The following MAPRE3 variants were observed in gnomAD, a reference collection of about 807,000 sequenced individuals.
MAPRE3 encodes microtubule associated protein RP/EB family member 3, also known as microtubule-associated protein RP/EB family member 3.
A neutral mutation model predicts 30.5 loss-of-function variants in MAPRE3; 2 were observed. That is an observed-to-expected ratio of 0.07 (90% CI 0.03 to 0.21). The LOEUF is 0.21. MAPRE3 is among the 10% of genes least tolerant of loss of function. MAPRE3 has a pLI of 1.00. For synonymous variants in MAPRE3, 110 were observed against 127.7 expected, an observed-to-expected ratio of 0.86 and a Z score of 0.93; for missense variants, 204 against 351.8, an observed-to-expected ratio of 0.58 and a Z score of 3.36.
intron 6 of MAPRE3, 35 bp downstream of exon 6, chr2:27,026,067 TCTGGCCTG>T: frequency 6.2e-7 from 1 of 1,612,940 alleles, no homozygotes; most frequent in Non-Finnish European, 8.5e-7. Context: ...CCCTCCCCAG[TCTGGCCTG>T]GCCCTAAGAC....
chr2:26,996,770 G>A (rs1439134749), intron 1 of MAPRE3: 1 of 152,126 alleles, frequency 6.6e-6, no homozygotes, highest in Admixed American at 6.6e-5. Context: ...TCACACCTCT[G>A]CATTCCAACC....
In MAPRE3 at chr2:27,004,580, G is replaced by A. The variant is rs570073813; in HGVS notation, c.-7-17632G>A. Reference sequence around the variant, plus strand: ...GCTGGAGTATGGCAACAGCACTCCTGAGTTACAGGCATGCGCCACCATGCC... The same window carrying A: ...GCTGGAGTATGGCAACAGCACTCCTAAGTTACAGGCATGCGCCACCATGCC... On this transcript the variant is annotated intron_variant, in intron 1 of 6. Coordinates refer to ENST00000233121, the MANE Select transcript of MAPRE3 (RefSeq NM_012326.4). Among the ~76,000 whole-genome samples the A allele has an allele frequency of 1.8e-3, 271 of 152,044 alleles. 1 individual carries two copies. The highest frequency in any genetic ancestry group is 3.0e-3 in the Non-Finnish European group (204 of 68,004).
rs945534105 is a variant in MAPRE3 at position 26,986,252 on chromosome 2, C to T, written c.-8+15450C>T. 2.6e-5 allele frequency among the ~76,000 whole-genome samples: 4 copies of T among 152,176 alleles called. No homozygotes were observed. The highest frequency in any genetic ancestry group is 5.9e-5 in the Non-Finnish European group (4 of 68,036). On this transcript the variant is annotated intron_variant, in intron 1 of 6. Transcript: ENST00000233121. This position sits in a 1 kb window ranked among gnomAD's most constrained non-coding sequence, Gnocchi z 4.2. Reference sequence around the variant, plus strand: ...CCTTATAAGGACCCTGGTGATTACACTGGGCCCACTCAGATAATCCAGGAT... The same window carrying T: ...CCTTATAAGGACCCTGGTGATTACATTGGGCCCACTCAGATAATCCAGGAT...
At chr2:27,005,990 T>G (rs183578781) in intron 1 of MAPRE3, among the ~76,000 whole-genome samples, 24 of 152,030 alleles carry the variant, frequency 1.6e-4, no homozygotes, top group African/African-American at 5.3e-4. Context: ...AGATCATCCT[T>G]GCTAACACGG....
chr2:26,993,644 A>G (rs1271007677), intron 1 of MAPRE3, among the ~76,000 whole-genome samples: 1 of 152,188 alleles, frequency 6.6e-6, no homozygotes, highest in Non-Finnish European at 1.5e-5. Flanking sequence ...TGATGTCCCT[A>G]ACACTTCAGG....
chr2:27,021,803 C>A (rs1667115135), intron 1 of MAPRE3, among the ~76,000 whole-genome samples: 1 of 152,196 alleles, frequency 6.6e-6, no homozygotes, highest in African/African-American at 2.4e-5. Flanking sequence ...CTTTTTATGT[C>A]TGGAAAATTC....
At chr2:27,005,768 G>A (rs1483227716) in intron 1 of MAPRE3, among the ~76,000 whole-genome samples, 1 of 152,170 alleles carries the variant, frequency 6.6e-6, no homozygotes, top group Non-Finnish European at 1.5e-5. Flanking sequence ...ATAGGTGAGG[G>A]AGAAAGTAAT....
intron 1 of MAPRE3, among the ~76,000 whole-genome samples, chr2:27,011,094 C>A (rs1199864545): frequency 1.3e-5 from 2 of 152,252 alleles, no homozygotes; most frequent in Admixed American, 6.5e-5. Flanking sequence ...ACATCACCTT[C>A]TCTCCACCTC....
chr2:27,025,937 A>G lies in MAPRE3; in HGVS notation c.682A>G (p.Ser228Gly). ...GGAGAAGGAACGTGACTTCTACTTC[A>G]GCAAACTTCGTGACATCGAGCTCAT... The part of the protein sequence containing the change: ...GLEKERDFYF[S>G]KLRDIELICQ... Residue 228 changes from serine (S) to glycine (G), a missense_variant, in exon 6 of 7, where the codon AGC becomes GGC. Physicochemically the swap from Ser to Gly is moderately conservative, Grantham distance 56 (BLOSUM62 0). Transcript: ENST00000233121. 1 of 1,614,216 alleles carries G rather than the reference A, an allele frequency of 6.2e-7. No individual in the cohort carries two copies. Among genetic ancestry groups the G allele is most frequent in the Non-Finnish European group, 8.5e-7 (1 of 1,180,036 alleles).
chr2:26,987,909 C>G (rs1666255846), intron 1 of MAPRE3, among the ~76,000 whole-genome samples: 1 of 152,226 alleles, frequency 6.6e-6, no homozygotes, highest in Non-Finnish European at 1.5e-5. Flanking sequence ...TGGCTTAATT[C>G]TGCTTCAGCT....
intron 1 of MAPRE3, among the ~76,000 whole-genome samples, chr2:27,007,164 A>G (rs1015660623): frequency 3.3e-5 from 5 of 152,240 alleles, no homozygotes; most frequent in African/African-American, 1.2e-4. Context: ...AAGTTGAGTC[A>G]TAACACCAAA....
chr2:26,971,639 G>A (rs891460038), intron 1 of MAPRE3, among the ~76,000 whole-genome samples: 1 of 149,980 alleles, frequency 6.7e-6, no homozygotes, highest in African/African-American at 2.5e-5. Context: ...TTTTTAAATC[G>A]CACTACAACC....
At chr2:27,024,358 A>G (rs1461804428) in intron 4 of MAPRE3, 61 bp downstream of exon 4, 1 of 1,503,968 alleles carries the variant, frequency 6.6e-7, no homozygotes, top group Non-Finnish European at 9.0e-7. Context: ...CTCTATAGCC[A>G]GGAGTGCCCC....
intron 1 of MAPRE3, among the ~76,000 whole-genome samples, chr2:26,973,545 AG>A (rs538496105): frequency 7.5e-6 from 1 of 133,820 alleles, no homozygotes; most frequent in Non-Finnish European, 1.6e-5. Flanking sequence ...CAGAAAATAT[AG>A]TTTTTTTTTT....
chr2:26,986,194 C>T lies in MAPRE3; in HGVS notation c.-8+15392C>T, dbSNP rs1666214944. On this transcript the variant is annotated intron_variant, in intron 1 of 6. Coordinates refer to ENST00000233121, the MANE Select transcript of MAPRE3 (RefSeq NM_012326.4). The surrounding 1 kb of genome is among the most constrained non-coding windows in gnomAD (Gnocchi z 4.2). ...TGGCAGCGCATCACTCTGCTTCCAT[C>T]ATCACTGTTCTCTGACTGACCCTTC... is the stretch of plus-strand genomic sequence containing the variant. Among the ~76,000 whole-genome samples the T allele has an allele frequency of 1.3e-5, 2 of 152,332 alleles. No homozygotes were observed. Among genetic ancestry groups the T allele is most frequent in the African/African-American group, 4.8e-5 (2 of 41,584 alleles).
chr2:27,015,096 G>C lies in MAPRE3; in HGVS notation c.-7-7116G>C, dbSNP rs2148222477. The stretch of plus-strand genomic sequence containing the variant: ...GTGGCTGTCTCAAGGCAAAGCAGCA[G>C]AGAAAAGTTCTGTAGTCTGTCTCCT... On this transcript the variant is annotated intron_variant, in intron 1 of 6. Coordinates refer to ENST00000233121, the MANE Select transcript of MAPRE3 (RefSeq NM_012326.4). This position sits in a 1 kb window ranked among gnomAD's most constrained non-coding sequence, Gnocchi z 4.0. 6.6e-6 allele frequency: 1 copy of C among 152,406 alleles called. No individual in the cohort carries two copies. 9.4% of individuals were successfully genotyped at this position (152,406 alleles called of 1,614,324 possible).
At chr2:26,992,361 G>A (rs1276292238) in intron 1 of MAPRE3, among the ~76,000 whole-genome samples, 1 of 150,784 alleles carries the variant, frequency 6.6e-6, no homozygotes, top group Non-Finnish European at 1.5e-5. Flanking sequence ...CAAGTAGCTG[G>A]GTTTACAGGC....
intron 1 of MAPRE3, among the ~76,000 whole-genome samples, chr2:27,003,902 C>A (rs1666661611): frequency 6.6e-6 from 1 of 152,224 alleles, no homozygotes; most frequent in African/African-American, 2.4e-5. Flanking sequence ...ACTGAATTGA[C>A]ACGTGTGAGG....
chr2:27,023,304 C>A, intron 2 of MAPRE3, 28 bp from the exon 3 acceptor site: 3 of 1,583,064 alleles, frequency 1.9e-6, no homozygotes, highest in South Asian at 2.3e-5. Context: ...AGCAGCAAGA[C>A]CCCTCAGCCA....
Sources: allele counts gnomAD v4.1 joint callset (sites outside exome capture counted in the v4.1 genomes callset), GRCh38; gene constraint gnomAD v4.1.1; non-coding constraint Gnocchi (gnomAD v3.1); transcripts MANE v1.5; gene names NCBI Gene and HGNC (gene_info 2026-07-23, HGNC 2026-07-21).